The following C2CD3 variants were observed in gnomAD, a reference collection of about 807,000 sequenced individuals.
C2CD3 encodes C2 domain-containing protein 3.
Under a neutral mutation model 234.0 loss-of-function variants are expected in C2CD3, and 148 were observed. That is an observed-to-expected ratio of 0.63 (90% CI 0.55 to 0.72). C2CD3 has a LOEUF of 0.72. Among genes scored for constraint, C2CD3 ranks in the 30% least tolerant of loss-of-function variants. The pLI, the probability that C2CD3 is intolerant of heterozygous loss-of-function variation, is 0.00. For synonymous variants in C2CD3, 1,000 were observed against 1,035.4 expected, an observed-to-expected ratio of 0.97 and a Z score of 0.66; for missense variants, 2,577 against 2,811.5, an observed-to-expected ratio of 0.92 and a Z score of 1.89.
intron 3 of C2CD3, among the ~76,000 whole-genome samples, chr11:74,160,733 G>A (rs944282717): frequency 3.9e-5 from 6 of 152,106 alleles, no homozygotes; most frequent in African/African-American, 1.4e-4. Flanking sequence ...CCAGAAGAGA[G>A]GACTGTGAAT....
chr11:74,054,334 C>T (rs1258789094), intron 26 of C2CD3, among the ~76,000 whole-genome samples: 1 of 150,520 alleles, frequency 6.6e-6, no homozygotes, highest in African/African-American at 2.4e-5. Flanking sequence ...CCCCGCTACT[C>T]AGGAGACTGA....
chr11:74,087,748 G>A (rs146627942), intron 20 of C2CD3, among the ~76,000 whole-genome samples: 10 of 152,322 alleles, frequency 6.6e-5, no homozygotes, highest in Non-Finnish European at 5.9e-5. Context: ...TCATTCAGTC[G>A]TTATTTGCTG....
In C2CD3 at chr11:74,113,803, G is replaced by A; in HGVS notation, c.1820C>T (p.Ala607Val). 1 of 1,610,148 alleles carries A rather than the reference G, an allele frequency of 6.2e-7. No individual in the cohort carries two copies. The highest frequency in any genetic ancestry group is 8.5e-7 in the Non-Finnish European group (1 of 1,176,614). ...ACTTCCATCTGTAATTTTACTGGAG[G>A]CGAGTCGAACAACCTCAGTGATCAA... The part of the protein sequence containing the change: ...TALITEVVRL[A>V]SSKITDGKVK... Residue 607 changes from alanine to valine, a missense_variant, in exon 11 of 33, where the codon GCC becomes GTC. Transcript: ENST00000334126.
chr11:74,076,570 A>G (rs1355235318), intron 23 of C2CD3, among the ~76,000 whole-genome samples: 1 of 152,182 alleles, frequency 6.6e-6, no homozygotes, highest in Non-Finnish European at 1.5e-5. Flanking sequence ...TCTCAGGAAA[A>G]AAGTCCAAAC....
chr11:74,163,118 G>A (rs905717524), intron 2 of C2CD3, among the ~76,000 whole-genome samples: 3 of 152,080 alleles, frequency 2.0e-5, no homozygotes, highest in Admixed American at 1.3e-4. Flanking sequence ...AAAATGGTTC[G>A]TTTTCAGCAT....
chr11:74,170,375 G>C (rs1857094241), intron 1 of C2CD3, among the ~76,000 whole-genome samples: 2 of 152,166 alleles, frequency 1.3e-5, no homozygotes, highest in African/African-American at 2.4e-5. Flanking sequence ...CACAACAAAT[G>C]ATATAATCCC....
At chr11:74,115,797 A>C (rs1956907923) in intron 9 of C2CD3, among the ~76,000 whole-genome samples, 1 of 152,242 alleles carries the variant, frequency 6.6e-6, no homozygotes, top group Admixed American at 6.5e-5. Flanking sequence ...ATGGAACAGA[A>C]TAGAGAATCC....
At chr11:74,131,336 A>C (rs979473082) in intron 7 of C2CD3, among the ~76,000 whole-genome samples, 21 of 151,764 alleles carry the variant, frequency 1.4e-4, no homozygotes, top group Admixed American at 5.9e-4. Flanking sequence ...AAAAAAAAAA[A>C]ACTATCTATC....
intron 26 of C2CD3, among the ~76,000 whole-genome samples, chr11:74,051,327 C>T (rs1953676064): frequency 6.6e-6 from 1 of 151,686 alleles, no homozygotes; most frequent in Non-Finnish European, 1.5e-5. Context: ...TCCCCTTCAA[C>T]TTGGAAAGTT....
At chr11:74,117,101 AATAT>A (rs1180002486) in intron 9 of C2CD3, among the ~76,000 whole-genome samples, 2 of 10,238 alleles carry the variant, frequency 2.0e-4, no homozygotes, top group Admixed American at 8.8e-4. Context: ...TATATATATG[AATAT>A]ATATATATGA....
chr11:74,085,573 G>A, intron 21 of C2CD3, 45 bp downstream of exon 21: 1 of 1,599,870 alleles, frequency 6.3e-7, no homozygotes, highest in Non-Finnish European at 8.6e-7. Flanking sequence ...TATTCACAAT[G>A]CAGCCTCTTT....
intron 24 of C2CD3, among the ~76,000 whole-genome samples, chr11:74,058,312 T>C (rs1290926233): frequency 3.3e-5 from 5 of 152,148 alleles, no homozygotes; most frequent in African/African-American, 1.2e-4. Context: ...TAAGTAACAC[T>C]TACATATCAC....
At chr11:74,026,220 T>C (rs1378556224) in intron 32 of C2CD3, among the ~76,000 whole-genome samples, 2 of 151,706 alleles carry the variant, frequency 1.3e-5, no homozygotes, top group Non-Finnish European at 2.9e-5. Flanking sequence ...AGGCAGAGGA[T>C]CACTTGAACC....
chr11:74,022,051 G>A (rs997532395), intron 32 of C2CD3, among the ~76,000 whole-genome samples: 4 of 152,056 alleles, frequency 2.6e-5, no homozygotes, highest in Admixed American at 2.0e-4. Flanking sequence ...GCTTGCACTC[G>A]GGAGGCAGAG....
chr11:74,037,520 T>C lies in C2CD3; in HGVS notation c.5839A>G (p.Lys1947Glu). ...LDPGSQCILE[K>E]SSNLVLQVSS... ...ACTTGCAACACCAGGTTACTGGATTTCTCCAGGATACACTGGCTCCCAGGG... is the reference window on the plus strand; with the variant it reads ...ACTTGCAACACCAGGTTACTGGATTCCTCCAGGATACACTGGCTCCCAGGG... Residue 1947 changes from lysine to glutamate, a missense_variant, in exon 30 of 33, where the codon AAA (lysine) becomes GAA (glutamate). Coordinates refer to ENST00000334126, the MANE Select transcript of C2CD3 (RefSeq NM_001286577.2). 1.2e-6 allele frequency: 2 copies of C among 1,614,096 alleles called. No individual in the cohort carries two copies. The highest frequency in any genetic ancestry group is 2.2e-5 in the South Asian group (2 of 91,076).
rs374058771 is a variant in C2CD3 at position 74,052,434 on chromosome 11, C to T, written c.5155+2173G>A. Among the ~76,000 whole-genome samples, 38 of 152,248 alleles carry T rather than the reference C, an allele frequency of 2.5e-4. No homozygotes were observed. In the South Asian group the frequency reaches 7.9e-3, roughly 32 times the overall value. ...AGGAAAGAGGTGAAGTGATTTAATT[C>T]GGGCCACATAGTTATTATAGTAAAC... is the stretch of plus-strand genomic sequence containing the variant. On this transcript the variant is annotated intron_variant, in intron 26 of 32. Transcript: ENST00000334126.
chr11:74,022,969 T>C lies in C2CD3; in HGVS notation c.6921+5318A>G, dbSNP rs1030002547. Among the ~76,000 whole-genome samples the C allele has an allele frequency of 3.9e-5, 6 of 152,338 alleles. No individual in the cohort carries two copies. The East Asian group carries it at 9.6e-4, about 24-fold the overall frequency. ...CTGTGTGGCACTCGTTATTCTACAGTACAACCACCCTGTGAGGCCTGATAA... is the reference window on the plus strand; with the variant it reads ...CTGTGTGGCACTCGTTATTCTACAGCACAACCACCCTGTGAGGCCTGATAA... On this transcript the variant is annotated intron_variant, in intron 32 of 32. Coordinates refer to ENST00000334126, the MANE Select transcript of C2CD3 (RefSeq NM_001286577.2).
chr11:74,105,174 G>T (rs187570401), intron 13 of C2CD3, among the ~76,000 whole-genome samples: 2 of 152,314 alleles, frequency 1.3e-5, no homozygotes, highest in Admixed American at 1.3e-4. Flanking sequence ...CTGTAAGAGA[G>T]AAGGTTGAAA....
intron 14 of C2CD3, among the ~76,000 whole-genome samples, chr11:74,101,095 C>T (rs1315960374): frequency 6.6e-6 from 1 of 152,190 alleles, no homozygotes; most frequent in Non-Finnish European, 1.5e-5. Context: ...AAAGGGCAGC[C>T]AATTCACTGG....
Sources: allele counts gnomAD v4.1 joint callset (sites outside exome capture counted in the v4.1 genomes callset), GRCh38; gene constraint gnomAD v4.1.1; transcripts MANE v1.5; gene names NCBI Gene and HGNC (gene_info 2026-07-23, HGNC 2026-07-21).